Variants in SLC9A9 observed in about 807,000 individuals in gnomAD.
SLC9A9 encodes solute carrier family 9 member A9, also known as sodium/hydrogen exchanger 9.
A neutral mutation model predicts 77.8 loss-of-function variants in SLC9A9; 62 were observed. That is an observed-to-expected ratio of 0.80 (90% confidence interval 0.65 to 0.98). SLC9A9 has a LOEUF of 0.98. Ranked by LOEUF, SLC9A9 falls within the 50% of genes least tolerant of loss-of-function variation. The probability of loss-of-function intolerance (pLI) is 0.00; values close to 1 mark genes in which losing one functional copy is unlikely to be tolerated. For missense variants in SLC9A9, 775 were observed against 774.9 expected, an observed-to-expected ratio of 1.00 and a Z score of 0.00; for synonymous variants, 320 against 283.5, an observed-to-expected ratio of 1.13 and a Z score of -1.29.
At chr3:143,303,378 T>A (rs1252531876) in intron 14 of SLC9A9, among the ~76,000 whole-genome samples, 1 of 148,546 alleles carries the variant, frequency 6.7e-6, no homozygotes, top group Non-Finnish European at 1.5e-5. Context: ...CTTTTCTTTT[T>A]TTTTTTTTGA....
chr3:143,584,693 A>C (rs2037513023), intron 6 of SLC9A9, among the ~76,000 whole-genome samples: 1 of 152,238 alleles, frequency 6.6e-6, no homozygotes, highest in South Asian at 2.1e-4. Flanking sequence ...TCTTTTTTCC[A>C]ATCACTGCTT....
At chr3:143,333,631 C>T (rs1326267540) in intron 14 of SLC9A9, among the ~76,000 whole-genome samples, 1 of 152,032 alleles carries the variant, frequency 6.6e-6, no homozygotes, top group Admixed American at 6.6e-5. Flanking sequence ...AGGTGAGCCA[C>T]ATGGCTTGCC....
At chr3:143,479,862 C>T (rs1219814792) in intron 11 of SLC9A9, among the ~76,000 whole-genome samples, 1 of 152,120 alleles carries the variant, frequency 6.6e-6, no homozygotes, top group Non-Finnish European at 1.5e-5. Flanking sequence ...TTCATGACAC[C>T]AGGTGTGAGA....
intron 6 of SLC9A9, among the ~76,000 whole-genome samples, chr3:143,612,430 C>A (rs952668884): frequency 6.6e-6 from 1 of 152,156 alleles, no homozygotes; most frequent in African/African-American, 2.4e-5. Flanking sequence ...TGAATAAGAG[C>A]TGGTGTGACT....
chr3:143,782,722 A>G (rs755551803), intron 4 of SLC9A9, among the ~76,000 whole-genome samples: 3 of 152,242 alleles, frequency 2.0e-5, no homozygotes, highest in Admixed American at 6.5e-5. Context: ...TATGCATTTT[A>G]CAAATCTTTT....
At position 143,639,870 on chromosome 3, in the gene SLC9A9, G is replaced by A. The variant is rs547305082; in HGVS notation, c.755+12385C>T. ...TGGTGTTTGGGGTGCTTGAAATCCCGATGACAGTAATTTTCTGTGGTGAAT... is the reference window on the plus strand; with the variant it reads ...TGGTGTTTGGGGTGCTTGAAATCCCAATGACAGTAATTTTCTGTGGTGAAT... On this transcript the variant is annotated intron_variant, in intron 6 of 15. Transcript: ENST00000316549. 2.2e-4 allele frequency among the ~76,000 whole-genome samples: 34 copies of A among 152,204 alleles called. No individual in the cohort carries two copies. The South Asian group carries it at 3.7e-3, about 17-fold the overall frequency.
At chr3:143,836,785 A>G (rs997567560) in intron 1 of SLC9A9, among the ~76,000 whole-genome samples, 2 of 152,188 alleles carry the variant, frequency 1.3e-5, no homozygotes, top group Non-Finnish European at 2.9e-5. Context: ...TGCCACAGAC[A>G]CCTAAGGCAT....
At chr3:143,628,778 A>G (rs373816597) in intron 6 of SLC9A9, among the ~76,000 whole-genome samples, 3 of 152,332 alleles carry the variant, frequency 2.0e-5, no homozygotes, top group South Asian at 2.1e-4. Context: ...AAATTAGAAG[A>G]CATTTTGTCA....
At chr3:143,686,821 G>A (rs2360867) in intron 5 of SLC9A9, among the ~76,000 whole-genome samples, 65,499 of 151,958 alleles carry the variant, frequency 0.43, 14,317 homozygotes, top group South Asian at 0.6. Context: ...GCTGTTAAAC[G>A]AATCATCTAT....
intron 12 of SLC9A9, among the ~76,000 whole-genome samples, chr3:143,412,623 C>G (rs1450936372): frequency 6.6e-6 from 1 of 152,190 alleles, no homozygotes; most frequent in Non-Finnish European, 1.5e-5. Flanking sequence ...TTTTGGAATT[C>G]TTTTCACTCT....
At chr3:143,275,661 T>C (rs1938024497) in intron 14 of SLC9A9, among the ~76,000 whole-genome samples, 1 of 152,206 alleles carries the variant, frequency 6.6e-6, no homozygotes, top group Non-Finnish European at 1.5e-5. Context: ...TTTCTATTTC[T>C]AGAGTTTGTT....
At chr3:143,310,013 C>T (rs2030957584) in intron 14 of SLC9A9, among the ~76,000 whole-genome samples, 1 of 152,208 alleles carries the variant, frequency 6.6e-6, no homozygotes, top group Non-Finnish European at 1.5e-5. Context: ...TTTAAGTTTG[C>T]ACTTTTCACA....
At chr3:143,389,821 GT>G (rs1322301335) in intron 12 of SLC9A9, among the ~76,000 whole-genome samples, 1 of 152,222 alleles carries the variant, frequency 6.6e-6, no homozygotes, top group Non-Finnish European at 1.5e-5. Flanking sequence ...GGTGTGGCAT[GT>G]CAAGTATGTA....
intron 4 of SLC9A9, among the ~76,000 whole-genome samples, chr3:143,732,399 T>A (rs961356485): frequency 1.3e-5 from 2 of 152,174 alleles, no homozygotes; most frequent in Admixed American, 1.3e-4. Context: ...GTGGAGCAGA[T>A]CTTCATTACC....
intron 14 of SLC9A9, among the ~76,000 whole-genome samples, chr3:143,352,311 T>C (rs2032479537): frequency 6.6e-6 from 1 of 152,226 alleles, no homozygotes; most frequent in African/African-American, 2.4e-5. Flanking sequence ...GTTTGAGGTA[T>C]TAAACACATG....
chr3:143,707,212 C>A (rs914165096), intron 4 of SLC9A9, among the ~76,000 whole-genome samples: 3 of 152,096 alleles, frequency 2.0e-5, no homozygotes, highest in Non-Finnish European at 4.4e-5. Context: ...GTTCTCAGGA[C>A]ACTTATCTGT....
At chr3:143,776,063 T>A (rs116769716) in intron 4 of SLC9A9, among the ~76,000 whole-genome samples, 1 of 152,206 alleles carries the variant, frequency 6.6e-6, no homozygotes, top group Non-Finnish European at 1.5e-5. Flanking sequence ...CGTGTTCTTA[T>A]CTTTATCATG....
intron 4 of SLC9A9, among the ~76,000 whole-genome samples, chr3:143,775,150 A>C (rs762487596): frequency 6.6e-6 from 1 of 152,218 alleles, no homozygotes; most frequent in Non-Finnish European, 1.5e-5. Context: ...TGCAAGTATC[A>C]GTAGACCAAA....
intron 4 of SLC9A9, among the ~76,000 whole-genome samples, chr3:143,721,973 C>A (rs1478557135): frequency 6.6e-6 from 1 of 152,064 alleles, no homozygotes; most frequent in Non-Finnish European, 1.5e-5. Context: ...AAAACAAAAA[C>A]ATTATTTTAA....
Sources: allele counts gnomAD v4.1 joint callset (sites outside exome capture counted in the v4.1 genomes callset), GRCh38; gene constraint gnomAD v4.1.1; transcripts MANE v1.5; gene names NCBI Gene and HGNC (gene_info 2026-07-23, HGNC 2026-07-21).